MAF: variants seen among roughly 807,000 people sequenced by gnomAD.
MAF encodes the protein transcription factor Maf.
Under a neutral mutation model 22.0 loss-of-function variants are expected in MAF, and 10 were observed. The observed-to-expected ratio is 0.45, with a 90% CI of 0.28 to 0.77. The LOEUF (loss-of-function observed/expected upper bound fraction) is 0.77. Ranked by LOEUF, MAF falls within the 30% of genes least tolerant of loss-of-function variation. The probability of loss-of-function intolerance (pLI) is 0.12; values close to 1 mark genes in which losing one functional copy is unlikely to be tolerated. For synonymous variants in MAF, 337 were observed against 255.8 expected, an observed-to-expected ratio of 1.32 and a Z score of -3.03; for missense variants, 544 against 548.4, an observed-to-expected ratio of 0.99 and a Z score of 0.08.
chr16:79,443,649 G>C, the MAF span, among the ~76,000 whole-genome samples: 1 of 152,238 alleles, frequency 6.6e-6, no homozygotes, highest in Non-Finnish European at 1.5e-5. Flanking sequence ...CAAATGCAGA[G>C]ATTGGTGTGG....
At chr16:79,213,964 T>C in the MAF span, among the ~76,000 whole-genome samples, 2 of 152,278 alleles carry the variant, frequency 1.3e-5, no homozygotes, top group African/African-American at 4.8e-5. Flanking sequence ...CTTTATCCAC[T>C]AGAAGCCACT....
the MAF span, among the ~76,000 whole-genome samples, chr16:79,561,520 C>A: frequency 1.3e-5 from 2 of 150,286 alleles, no homozygotes; most frequent in Non-Finnish European, 3.0e-5. Flanking sequence ...CCTGTGCCCA[C>A]GTGTTCTCAT....
chr16:79,369,525 G>C, the MAF span, among the ~76,000 whole-genome samples: 2 of 152,164 alleles, frequency 1.3e-5, no homozygotes, highest in African/African-American at 4.8e-5. Context: ...AGATTTTCAT[G>C]ACACTTAGCT....
At chr16:79,344,190 T>C in the MAF span, among the ~76,000 whole-genome samples, 10 of 152,182 alleles carry the variant, frequency 6.6e-5, no homozygotes, top group African/African-American at 2.2e-4. Context: ...GCATCTATAC[T>C]GCTCAACAGC....
the MAF span, among the ~76,000 whole-genome samples, chr16:79,341,619 G>C: frequency 4.6e-5 from 7 of 152,124 alleles, no homozygotes; most frequent in African/African-American, 1.7e-4. Flanking sequence ...CTGGTCATCA[G>C]CTATTATTAT....
intron 1 of MAF, chr16:79,596,338 A>C (rs1913522517): frequency 9.4e-7 from 1 of 1,059,718 alleles, no homozygotes; most frequent in Non-Finnish European, 1.1e-6. Context: ...CTCACTTCAA[A>C]AAACAGCCTA....
downstream of MAF, among the ~76,000 whole-genome samples, chr16:79,591,973 A>G (rs1347384345): frequency 6.6e-6 from 1 of 152,266 alleles, no homozygotes; most frequent in African/African-American, 2.4e-5. Flanking sequence ...CATATTTTAA[A>G]GAAATGGACA....
chr16:79,421,595 G>T, the MAF span, among the ~76,000 whole-genome samples: 4 of 151,790 alleles, frequency 2.6e-5, no homozygotes, highest in African/African-American at 9.7e-5. Flanking sequence ...TTCTAAACCA[G>T]GCCGGAGAAA....
the MAF span, among the ~76,000 whole-genome samples, chr16:79,543,738 G>C: frequency 2.7e-5 from 4 of 147,618 alleles, no homozygotes; most frequent in South Asian, 2.1e-4. Context: ...CCAGGCTGGA[G>C]TGCAGTGGTG....
chr16:79,209,741 A>C, the MAF span, among the ~76,000 whole-genome samples: 1 of 152,212 alleles, frequency 6.6e-6, no homozygotes, highest in Non-Finnish European at 1.5e-5. Flanking sequence ...CAATTCTCCA[A>C]TTTGTCTTTA....
At chr16:79,213,616 T>A in the MAF span, among the ~76,000 whole-genome samples, 2 of 152,150 alleles carry the variant, frequency 1.3e-5, no homozygotes, top group Non-Finnish European at 2.9e-5. Flanking sequence ...ACTTCCATCA[T>A]AGGGAACGGC....
chr16:79,506,547 C>T, the MAF span, among the ~76,000 whole-genome samples: 2 of 152,156 alleles, frequency 1.3e-5, no homozygotes, highest in Non-Finnish European at 2.9e-5. Flanking sequence ...AGACCTGAAA[C>T]CAGGGCTGGT....
At chr16:79,403,742 G>T in the MAF span, among the ~76,000 whole-genome samples, 1 of 152,128 alleles carries the variant, frequency 6.6e-6, no homozygotes, top group Non-Finnish European at 1.5e-5. Flanking sequence ...ACCTAACATA[G>T]GAAAAACATA....
chr16:79,329,333 G>C, the MAF span, among the ~76,000 whole-genome samples: 1 of 152,152 alleles, frequency 6.6e-6, no homozygotes, highest in Non-Finnish European at 1.5e-5. Context: ...CTGGAATTTG[G>C]AGAAGTGAGA....
the MAF span, among the ~76,000 whole-genome samples, chr16:79,551,257 C>G: frequency 6.6e-6 from 1 of 152,114 alleles, no homozygotes; most frequent in South Asian, 2.1e-4. Flanking sequence ...TACCTAGCAT[C>G]AATGCTCCTC....
the MAF span, among the ~76,000 whole-genome samples, chr16:79,437,958 C>T: frequency 6.6e-6 from 1 of 152,284 alleles, no homozygotes; most frequent in African/African-American, 2.4e-5. Context: ...TCTAGGAGGC[C>T]TGTTTGTGGA....
chr16:79,364,502 G>C, the MAF span, among the ~76,000 whole-genome samples: 12 of 152,146 alleles, frequency 7.9e-5, no homozygotes, highest in Admixed American at 6.5e-4. Context: ...TCCCAGAACG[G>C]GGATGAAGAA....
the MAF span, among the ~76,000 whole-genome samples, chr16:79,501,777 A>G: frequency 6.6e-6 from 1 of 152,214 alleles, no homozygotes; most frequent in South Asian, 2.1e-4. Context: ...GGCACCGGAC[A>G]ATGAGAAGCA....
the MAF span, among the ~76,000 whole-genome samples, chr16:79,395,151 G>T: frequency 6.6e-6 from 1 of 152,212 alleles, no homozygotes; most frequent in East Asian, 1.9e-4. Flanking sequence ...GGCCAAAGCG[G>T]TGGGCACTGG....
Sources: gnomAD v4.1 joint callset for allele counts (sites outside exome capture counted in the v4.1 genomes callset) on GRCh38, gnomAD v4.1.1 for gene constraint, MANE v1.5 for transcripts, NCBI Gene and HGNC (gene_info 2026-07-23, HGNC 2026-07-21) for gene names.